The following LDB2 variants were observed in gnomAD, a reference collection of about 807,000 sequenced individuals.
The protein encoded by LDB2 is LIM domain binding 2.
A neutral mutation model predicts 44.3 loss-of-function variants in LDB2; 12 were observed. That is an observed-to-expected ratio of 0.27 (90% CI 0.17 to 0.44). LDB2 has a LOEUF of 0.44. LDB2 is among the 20% of genes least tolerant of loss of function. LDB2 has a pLI of 1.00. For synonymous variants in LDB2, 164 were observed against 174.8 expected (o/e 0.94, Z 0.49); for missense variants, 344 against 473.5 (o/e 0.73, Z 2.54).
chr4:16,595,575 T>A, intron 3 of LDB2, 128 bp downstream of exon 3: 1 of 743,634 alleles, frequency 1.3e-6, no homozygotes, highest in South Asian at 2.1e-5. Context: ...AGAAAGATTC[T>A]CTCATGGTGT....
chr4:16,811,261 T>G (rs1779812581), intron 1 of LDB2, among the ~76,000 whole-genome samples: 1 of 152,220 alleles, frequency 6.6e-6, no homozygotes. Flanking sequence ...TGAGCACTAA[T>G]CAGGAGTCAC....
intron 2 of LDB2, among the ~76,000 whole-genome samples, chr4:16,722,273 A>G (rs1758435049): frequency 6.6e-6 from 1 of 152,154 alleles, no homozygotes; most frequent in Non-Finnish European, 1.5e-5. Context: ...CCCACTTTAC[A>G]GAGGACAAAA....
chr4:16,679,441 A>G (rs1747250174), intron 2 of LDB2, among the ~76,000 whole-genome samples: 1 of 152,190 alleles, frequency 6.6e-6, no homozygotes, highest in African/African-American at 2.4e-5. Flanking sequence ...TGGGCCAGGC[A>G]CTAATCCTTT....
intron 5 of LDB2, among the ~76,000 whole-genome samples, chr4:16,539,790 G>T (rs1733124498): frequency 6.6e-6 from 1 of 152,054 alleles, no homozygotes. Context: ...TGGCAGAAGT[G>T]GTGTTCACCA....
intron 5 of LDB2, among the ~76,000 whole-genome samples, chr4:16,513,853 G>GA (rs1722693495): frequency 6.6e-6 from 1 of 152,170 alleles, no homozygotes; most frequent in African/African-American, 2.4e-5. Flanking sequence ...GAAGGTCATA[G>GA]AAACCAGAAC....
At chr4:16,880,766 T>C (rs886572219) in intron 1 of LDB2, among the ~76,000 whole-genome samples, 8 of 151,704 alleles carry the variant, frequency 5.3e-5, no homozygotes, top group Non-Finnish European at 1.0e-4. Context: ...TAGCCGAGTG[T>C]GGTGGCGGGT....
chr4:16,867,922 A>T (rs2071268125), intron 1 of LDB2, among the ~76,000 whole-genome samples: 1 of 152,230 alleles, frequency 6.6e-6, no homozygotes. Flanking sequence ...CTTCAAAAAC[A>T]ATCCACTAGC....
intron 3 of LDB2, among the ~76,000 whole-genome samples, chr4:16,591,742 T>C (rs960189650): frequency 6.6e-6 from 1 of 152,182 alleles, no homozygotes; most frequent in Non-Finnish European, 1.5e-5. Context: ...AATATATATG[T>C]ATTTCCTATT....
intron 1 of LDB2, among the ~76,000 whole-genome samples, chr4:16,868,897 G>A (rs1715588453): frequency 6.6e-6 from 1 of 152,112 alleles, no homozygotes; most frequent in African/African-American, 2.4e-5. Context: ...TGATGATGTT[G>A]ATGAAGATGA....
At chr4:16,855,462 A>ATTGTTGCAAGCTCAAC (rs1789172208) in intron 1 of LDB2, among the ~76,000 whole-genome samples, 2 of 152,290 alleles carry the variant, frequency 1.3e-5, no homozygotes, top group Admixed American at 1.3e-4. Flanking sequence ...CACTTGTATG[A>ATTGTTGCAAGCTCAAC]TTGTTGCAAG....
chr4:16,838,498 C>T (rs1785297150), intron 1 of LDB2, among the ~76,000 whole-genome samples: 1 of 152,210 alleles, frequency 6.6e-6, no homozygotes, highest in African/African-American at 2.4e-5. Flanking sequence ...AAATACATGT[C>T]TGTGAAACCT....
chr4:16,529,743 A>G (rs1056981072), intron 5 of LDB2, among the ~76,000 whole-genome samples: 18 of 152,086 alleles, frequency 1.2e-4, no homozygotes, highest in African/African-American at 4.1e-4. Context: ...GAAGATCTGT[A>G]TATGGTGTTT....
At chr4:16,685,513 A>G (rs574321751) in intron 2 of LDB2, among the ~76,000 whole-genome samples, 12 of 152,178 alleles carry the variant, frequency 7.9e-5, no homozygotes, top group Non-Finnish European at 1.8e-4. Flanking sequence ...ATAAGGCTCC[A>G]TCTCCTCACC....
At chr4:16,580,178 C>T (rs1277115349) in intron 5 of LDB2, among the ~76,000 whole-genome samples, 3 of 151,982 alleles carry the variant, frequency 2.0e-5, no homozygotes, top group Admixed American at 2.0e-4. Flanking sequence ...GTAGGTGGTT[C>T]GTGTGGTCCA....
intron 1 of LDB2, among the ~76,000 whole-genome samples, chr4:16,827,001 G>T (rs115460746): frequency 2.0e-5 from 3 of 152,154 alleles, no homozygotes; most frequent in African/African-American, 2.4e-5. Flanking sequence ...AGACAGGAAC[G>T]TAAAGGAAGA....
intron 2 of LDB2, among the ~76,000 whole-genome samples, chr4:16,639,735 C>G (rs1398003537): frequency 1.3e-5 from 2 of 152,212 alleles, no homozygotes; most frequent in African/African-American, 4.8e-5. Flanking sequence ...GTTGGGATTA[C>G]AGGCGTGAGC....
chr4:16,788,987 T>C (rs1420950820), intron 1 of LDB2, among the ~76,000 whole-genome samples: 1 of 152,186 alleles, frequency 6.6e-6, no homozygotes, highest in Non-Finnish European at 1.5e-5. Flanking sequence ...TATGGGGTTT[T>C]TTTTTCTGCT....
chr4:16,729,705 C>T (rs1435454838), intron 2 of LDB2, among the ~76,000 whole-genome samples: 6 of 152,030 alleles, frequency 3.9e-5, no homozygotes, highest in Non-Finnish European at 5.9e-5. Flanking sequence ...AAAAATACAC[C>T]GACACATGAG....
chr4:16,674,202 T>C (rs1247269777), intron 2 of LDB2: 3 of 1,273,674 alleles, frequency 2.4e-6, no homozygotes, highest in African/African-American at 1.5e-5. Context: ...TGAGGTACCT[T>C]TGGTCAAACA....
Sources: gnomAD v4.1 joint callset for allele counts (sites outside exome capture counted in the v4.1 genomes callset) on GRCh38, gnomAD v4.1.1 for gene constraint, MANE v1.5 for transcripts, NCBI Gene and HGNC (gene_info 2026-07-23, HGNC 2026-07-21) for gene names.